Variants in ATAD3C observed in about 807,000 individuals in gnomAD.
The protein encoded by ATAD3C is ATPase family AAA domain containing 3C.
A neutral mutation model predicts 46.3 loss-of-function variants in ATAD3C; 38 were observed. The ratio of observed to expected loss-of-function variants is 0.82; its 90% CI spans 0.63 to 1.08. The LOEUF (loss-of-function observed/expected upper bound fraction) is 1.08. Among genes scored for constraint, ATAD3C ranks in the 50% least tolerant of loss-of-function variants. The probability of loss-of-function intolerance (pLI) is 0.00; values close to 1 mark genes in which losing one functional copy is unlikely to be tolerated. For synonymous variants in ATAD3C, 220 were observed against 236.4 expected, an observed-to-expected ratio of 0.93 and a Z score of 0.63; for missense variants, 563 against 572.7, an observed-to-expected ratio of 0.98 and a Z score of 0.17.
In ATAD3C at chr1:1,460,840, A is replaced by G; in HGVS notation, c.903A>G (p.Pro301=). 1.2e-6 allele frequency: 2 copies of G among 1,613,128 alleles called. No individual in the cohort carries two copies. The highest frequency in any genetic ancestry group is 1.1e-5 in the South Asian group (1 of 90,952). The part of the protein sequence containing the change: ...CIDVMVHFDL[P]GQEERARLVR... ...ACGTGATGGTCCACTTCGACCTGCC[A>G]GGGCAGGAGGAGCGGGCGCGCCTGG... is the stretch of plus-strand genomic sequence containing the variant. Residue 301 remains proline, a synonymous_variant, in exon 10 of 12, where the codon CCA becomes CCG. Coordinates refer to ENST00000378785, the MANE Select transcript of ATAD3C (RefSeq NM_001039211.3).
At chr1:1,454,937 C>T (rs571099766) in intron 4 of ATAD3C, among the ~76,000 whole-genome samples, 16 of 151,932 alleles carry the variant, frequency 1.1e-4, no homozygotes, top group South Asian at 2.1e-4. Context: ...AAAAGCTGGC[C>T]GGGCGTGGTG....
rs1639076929 is a variant in ATAD3C at position 1,462,013 on chromosome 1, A to C, written c.981-587A>C. 6.6e-6 allele frequency among the ~76,000 whole-genome samples: 1 copy of C among 151,992 alleles called. No homozygotes were observed. Among genetic ancestry groups the C allele is most frequent in the African/African-American group, 2.4e-5 (1 of 41,374 alleles). On this transcript the variant is annotated intron_variant, in intron 10 of 11. Transcript: ENST00000378785. The surrounding 1 kb of genome is among the most constrained non-coding windows in gnomAD (Gnocchi z 4.5). Reference sequence around the variant, plus strand: ...CCTCGGGAACACTCCAGATGAGCAGAGGCTGCTCTACTTCTTGGCGTCCCC... The same window carrying C: ...CCTCGGGAACACTCCAGATGAGCAGCGGCTGCTCTACTTCTTGGCGTCCCC...
rs1469010943 is a variant in ATAD3C, at chr1:1,456,771, G to A, written c.690-358G>A. ...CTTCAATAGGTCCCACAGTGACCCC[G>A]CGCAGGGCACAGCCCGGGCACCCTT... On this transcript the variant is annotated intron_variant, in intron 7 of 11. Coordinates refer to ENST00000378785, the MANE Select transcript of ATAD3C (RefSeq NM_001039211.3). Among the ~76,000 whole-genome samples the A allele has an allele frequency of 7.9e-5, 12 of 150,974 alleles. 1 individual carries two copies. The highest frequency in any genetic ancestry group is 4.2e-4 in the South Asian group (2 of 4,712).
At chr1:1,455,670 G>C (rs1638946837) in intron 5 of ATAD3C, 121 bp from the exon 6 acceptor site, 1 of 1,556,902 alleles carries the variant, frequency 6.4e-7, no homozygotes, top group Admixed American at 1.9e-5. Flanking sequence ...TAGATAGGCT[G>C]CCCACGAGCT....
intron 4 of ATAD3C, among the ~76,000 whole-genome samples, 187 bp downstream of exon 4, chr1:1,454,687 C>T (rs1481581687): frequency 6.6e-6 from 1 of 151,610 alleles, no homozygotes; most frequent in Non-Finnish European, 1.5e-5. Context: ...CAGTGAGACC[C>T]TTCCCCTGTC....
chr1:1,468,890 G>A lies in ATAD3C; in HGVS notation c.*360G>A, dbSNP rs1167417698. On this transcript the variant is annotated 3_prime_UTR_variant, in exon 12 of 12. Coordinates refer to ENST00000378785, the MANE Select transcript of ATAD3C (RefSeq NM_001039211.3). ...CAGAGCTGCCTGTGGCCAGACACAC[G>A]GTGGAGGGAAGTGCACGCGAAACAG... 9.8e-5 allele frequency: 28 copies of A among 284,790 alleles called. No individual in the cohort carries two copies. Among genetic ancestry groups the A allele is most frequent in the Non-Finnish European group, 5.4e-5 (8 of 149,460 alleles). 17.6% of individuals were successfully genotyped at this position (284,790 alleles called of 1,614,324 possible).
Position 1,462,785 on chromosome 1 carries a change from C to A in ATAD3C, c.1089+77C>A. On this transcript the variant is annotated intron_variant, in intron 11 of 11. Coordinates refer to ENST00000378785, the MANE Select transcript of ATAD3C (RefSeq NM_001039211.3). This position sits in a 1 kb window ranked among gnomAD's most constrained non-coding sequence, Gnocchi z 4.5. ...GATGCTTGGTTGCGCCAGGCCTGTC[C>A]CAGCACCGGTGTCACGTGGGAGCTT... 2 of 1,471,164 alleles carry A rather than the reference C, an allele frequency of 1.4e-6. No homozygotes were observed. The highest frequency in any genetic ancestry group is 1.9e-6 in the Non-Finnish European group (2 of 1,079,414). 91.1% of individuals were successfully genotyped at this position (1,471,164 alleles called of 1,614,324 possible).
chr1:1,465,913 G>A (rs1323282417), intron 11 of ATAD3C, among the ~76,000 whole-genome samples: 1 of 151,938 alleles, frequency 6.6e-6, no homozygotes, highest in Non-Finnish European at 1.5e-5. Flanking sequence ...TCACCACTGA[G>A]TATGTCACCT....
At chr1:1,460,472 G>A (rs1482013626) in intron 9 of ATAD3C, among the ~76,000 whole-genome samples, 2 of 151,988 alleles carry the variant, frequency 1.3e-5, no homozygotes, top group Admixed American at 6.6e-5. Context: ...TGGTGTTCCC[G>A]GCACTGCCTA....
chr1:1,468,589 T>G lies in ATAD3C; in HGVS notation c.*59T>G. ...CCGCGGACCCCTCCCACCCCTGCCT[T>G]TGCGGCCCCGCACATTTAGGAAATA... On this transcript the variant is annotated 3_prime_UTR_variant, in exon 12 of 12. Transcript: ENST00000378785. 6 of 1,569,280 alleles carry G rather than the reference T, an allele frequency of 3.8e-6. No individual in the cohort carries two copies. The highest frequency in any genetic ancestry group is 5.2e-6 in the Non-Finnish European group (6 of 1,164,134).
chr1:1,457,054 C>T (rs1297032365), intron 7 of ATAD3C, 75 bp from the exon 8 acceptor site: 19 of 1,599,876 alleles, frequency 1.2e-5, no homozygotes, highest in Middle Eastern at 2.1e-4. Flanking sequence ...TGGCCTGCTC[C>T]TGCCATGGCC....
In ATAD3C at chr1:1,462,444, G is replaced by C. The variant is rs184143958; in HGVS notation, c.981-156G>C. 3 of 790,318 alleles carry C rather than the reference G, an allele frequency of 3.8e-6. No individual in the cohort carries two copies. The highest frequency in any genetic ancestry group is 3.4e-5 in the African/African-American group (2 of 58,044). The allele number at this position is 790,318 out of a possible 1,614,324, so 49.0% of individuals were successfully genotyped here. A position where few individuals can be genotyped will look rare whatever the true frequency, so the allele number is the denominator to read the frequency against. ...CCTGCTCAGCCCAGGCCTGGCTTGC[G>C]TCAGGAAGGGGGCGGAACTTGGCTG... On this transcript the variant is annotated intron_variant, in intron 10 of 11. Transcript: ENST00000378785. This position sits in a 1 kb window ranked among gnomAD's most constrained non-coding sequence, Gnocchi z 4.5.
intron 1 of ATAD3C, among the ~76,000 whole-genome samples, chr1:1,451,501 C>G (rs1229286288): frequency 2.0e-5 from 3 of 151,942 alleles, no homozygotes; most frequent in Non-Finnish European, 4.4e-5. Context: ...CACCCACCAC[C>G]ATACTCGGCT....
intron 11 of ATAD3C, among the ~76,000 whole-genome samples, chr1:1,468,102 G>T (rs1164335824): frequency 6.6e-6 from 1 of 152,046 alleles, no homozygotes; most frequent in African/African-American, 2.4e-5. Flanking sequence ...CTGGGAAGCT[G>T]CCCTGGGTCG....
chr1:1,458,531 C>T (rs979672705), intron 8 of ATAD3C, among the ~76,000 whole-genome samples: 1 of 151,820 alleles, frequency 6.6e-6, no homozygotes, highest in African/African-American at 2.4e-5. Context: ...CTGCCTACCT[C>T]GGCCTCCCAA....
rs1445802105 is a variant in ATAD3C, at chr1:1,450,703, A to G, written c.20A>G (p.Asn7Ser). ...CAGGCCATGTCAAAGGACGCCCTGAATCTGGCGCAGATGCAGGAGCAGACG... is the reference window on the plus strand; with the variant it reads ...CAGGCCATGTCAAAGGACGCCCTGAGTCTGGCGCAGATGCAGGAGCAGACG... MSKDAL[N>S]LAQMQEQTLQ... Residue 7 changes from asparagine (N) to serine (S), a missense_variant, in exon 1 of 12, where the codon AAT (asparagine) becomes AGT (serine). This residue lies in a region of ATAD3C where 263 missense variants were observed against 243.1 expected (regional missense o/e 1.08). Transcript: ENST00000378785. The G allele has an allele frequency of 8.1e-6, 13 of 1,613,070 alleles. No homozygotes were observed. Among genetic ancestry groups the G allele is most frequent in the Admixed American group, 1.7e-5 (1 of 59,940 alleles).
At chr1:1,467,812 G>A (rs887015918) in intron 11 of ATAD3C, among the ~76,000 whole-genome samples, 1 of 151,996 alleles carries the variant, frequency 6.6e-6, no homozygotes, top group African/African-American at 2.4e-5. Context: ...CATGGCAGAA[G>A]GGCTGGACCT....
rs905720207 is a variant in ATAD3C, at chr1:1,459,812, T to C, written c.812+581T>C. ...CCCCATGGCCAGTCTCCCTAGTCCC[T>C]CCCAAGTCCCCTAATTTTGAGTTTT... On this transcript the variant is annotated intron_variant, in intron 9 of 11. Coordinates refer to ENST00000378785, the MANE Select transcript of ATAD3C (RefSeq NM_001039211.3). The surrounding 1 kb of genome is among the most constrained non-coding windows in gnomAD (Gnocchi z 4.9). Among the ~76,000 whole-genome samples, 6 of 151,972 alleles carry C rather than the reference T, an allele frequency of 3.9e-5. No individual in the cohort carries two copies. The highest frequency in any genetic ancestry group is 7.4e-5 in the Non-Finnish European group (5 of 67,972).
rs759185597 is a variant in ATAD3C, at chr1:1,468,673, C to G, written c.*143C>G. On this transcript the variant is annotated 3_prime_UTR_variant, in exon 12 of 12. Transcript: ENST00000378785. ...GCTGTGTCTATTGGCTGACACGGGG[C>G]GGGGTTTGGGGCCCCCTAACGTCCC... 1 of 1,517,332 alleles carries G rather than the reference C, an allele frequency of 6.6e-7. No homozygotes were observed. The allele number at this position is 1,517,332 out of a possible 1,614,324, so 94.0% of individuals were successfully genotyped here.
Sources: gnomAD v4.1 joint callset for allele counts (sites outside exome capture counted in the v4.1 genomes callset) on GRCh38, gnomAD v4.1.1 for gene constraint, gnomAD v4.1.1 regional missense constraint, Gnocchi (gnomAD v3.1) non-coding constraint, MANE v1.5 for transcripts, NCBI Gene and HGNC (gene_info 2026-07-23, HGNC 2026-07-21) for gene names.